Variants in ZNF670 observed in about 807,000 individuals in gnomAD.
ZNF670 encodes zinc finger protein 670.
Under a neutral mutation model 10.9 loss-of-function variants are expected in ZNF670, and 7 were observed. The ratio of observed to expected loss-of-function variants is 0.64; its 90% CI spans 0.36 to 1.20. ZNF670 has a LOEUF of 1.20. ZNF670 is among the 50% of genes most tolerant of loss of function. The pLI is 0.02. For missense variants in ZNF670, 446 were observed against 458.6 expected (o/e 0.97, Z 0.25); for synonymous variants, 136 against 152.7 (o/e 0.89, Z 0.81).
At chr1:247,075,732 ATATAAG>A (rs1428559719) in intron 1 of ZNF670, among the ~76,000 whole-genome samples, 1 of 152,228 alleles carries the variant, frequency 6.6e-6, no homozygotes, top group Non-Finnish European at 1.5e-5. Context: ...CCATGTGGAA[ATATAAG>A]TCCTTTAAAT....
intron 1 of ZNF670, among the ~76,000 whole-genome samples, chr1:247,058,617 T>C (rs1018137463): frequency 1.3e-5 from 2 of 149,334 alleles, no homozygotes; most frequent in African/African-American, 2.5e-5. Context: ...GATAAACCTA[T>C]AGCCAGACCA....
intron 1 of ZNF670, among the ~76,000 whole-genome samples, chr1:247,058,479 G>A (rs1439003415): frequency 6.6e-6 from 1 of 152,004 alleles, no homozygotes; most frequent in African/African-American, 2.4e-5. Context: ...AAAAAGCCAG[G>A]AAGATAAACC....
At chr1:247,045,005 T>C (rs1670405848) in intron 1 of ZNF670, among the ~76,000 whole-genome samples, 1 of 149,664 alleles carries the variant, frequency 6.7e-6, no homozygotes, top group South Asian at 2.1e-4. Context: ...GGCAAATAAA[T>C]TTAACTAAAC....
At position 247,078,582 on chromosome 1, in the gene ZNF670, C is replaced by T; in HGVS notation, c.3+12G>A. On this transcript the variant is annotated intron_variant, in intron 1 of 3. Coordinates refer to ENST00000366503, the MANE Select transcript of ZNF670 (RefSeq NM_033213.5). ...TTTTCCCCTTCCCGAGACACCTGGC[C>T]GGCACACTCACCATTTCCCAGTCTC... The T allele has an allele frequency of 6.2e-7, 1 of 1,613,912 alleles. No individual in the cohort carries two copies. The highest frequency in any genetic ancestry group is 8.5e-7 in the Non-Finnish European group (1 of 1,179,890).
chr1:247,077,168 TG>T (rs571911045), intron 1 of ZNF670, among the ~76,000 whole-genome samples: 178 of 152,266 alleles, frequency 1.2e-3, no homozygotes, highest in African/African-American at 4.0e-3. Flanking sequence ...TGATGAAAAC[TG>T]GGGTTGGAGG....
chr1:247,072,825 T>C (rs1449829472), intron 1 of ZNF670, among the ~76,000 whole-genome samples: 4,245 of 92,844 alleles, frequency 0.046, 590 homozygotes, highest in African/African-American at 0.2. Flanking sequence ...TATATATATA[T>C]ATATATATAT....
intron 1 of ZNF670, among the ~76,000 whole-genome samples, chr1:247,061,608 T>C (rs1670861500): frequency 6.6e-6 from 1 of 152,208 alleles, no homozygotes; most frequent in Non-Finnish European, 1.5e-5. Context: ...CATATGTCCT[T>C]AGAAAGGAGA....
Position 247,037,598 on chromosome 1 carries a change from C to T in ZNF670, c.1021G>A (p.Glu341Lys). The T allele has an allele frequency of 6.2e-7, 1 of 1,613,864 alleles. No homozygotes were observed. Among genetic ancestry groups the T allele is most frequent in the South Asian group, 1.1e-5 (1 of 91,068 alleles). The change falls in exon 4 of 4, where the codon GAA (glutamate) becomes AAA (lysine). Residue 341 changes from glutamate to lysine, a missense_variant. Physicochemically the swap from Glu to Lys is moderately conservative, Grantham distance 56. Transcript: ENST00000366503. ...HTGVKPYGCKECGKSFTSSSA... is the reference protein window; with the variant it reads ...HTGVKPYGCKKCGKSFTSSSA... ...GAAGAAGTAAACGACTTACCACATT[C>T]CTTACATCCATAAGGTTTCACTCCA...
intron 1 of ZNF670, among the ~76,000 whole-genome samples, chr1:247,059,279 A>C (rs1293058868): frequency 6.6e-6 from 1 of 150,854 alleles, no homozygotes; most frequent in Non-Finnish European, 1.5e-5. Flanking sequence ...GTCTCTACTA[A>C]AAATACAAAA....
At chr1:247,057,864 G>A (rs910837593) in intron 1 of ZNF670, among the ~76,000 whole-genome samples, 3 of 152,158 alleles carry the variant, frequency 2.0e-5, no homozygotes, top group Admixed American at 6.6e-5. Flanking sequence ...TGGAGGGGAT[G>A]TGGGAATGTT....
At chr1:247,051,337 T>C (rs1045518534) in intron 1 of ZNF670, among the ~76,000 whole-genome samples, 6 of 152,180 alleles carry the variant, frequency 3.9e-5, no homozygotes, top group Non-Finnish European at 8.8e-5. Context: ...CAGTATTTGC[T>C]TGTCTGAAAA....
At chr1:247,072,474 T>C (rs1348149969) in intron 1 of ZNF670, among the ~76,000 whole-genome samples, 3 of 151,258 alleles carry the variant, frequency 2.0e-5, no homozygotes, top group Non-Finnish European at 4.4e-5. Flanking sequence ...CAAACAAAAA[T>C]TAATATATAC....
At chr1:247,073,042 G>A (rs1348758753) in intron 1 of ZNF670, among the ~76,000 whole-genome samples, 1 of 151,808 alleles carries the variant, frequency 6.6e-6, no homozygotes, top group Admixed American at 6.6e-5. Context: ...CTGAGCAGAA[G>A]TTAGAAAAGA....
chr1:247,076,358 G>T (rs188107608), intron 1 of ZNF670, among the ~76,000 whole-genome samples: 1 of 151,598 alleles, frequency 6.6e-6, no homozygotes, highest in Non-Finnish European at 1.5e-5. Context: ...CTAGGTTCAC[G>T]CCATTCTCCT....
chr1:247,051,232 C>T (rs375185236), intron 1 of ZNF670, among the ~76,000 whole-genome samples: 11 of 148,762 alleles, frequency 7.4e-5, no homozygotes, highest in East Asian at 2.0e-4. Flanking sequence ...CCAGCCTGGG[C>T]GACAGAGCGA....
At position 247,056,650 on chromosome 1, in the gene ZNF670, C is replaced by G. The variant is rs142375624; in HGVS notation, c.4-17113G>C. On this transcript the variant is annotated intron_variant, in intron 1 of 3. Transcript: ENST00000366503. ...AGCACGGTGGTTCATGCTTGTAATC[C>G]CAGCACTTTGGGAGGCTGAGGCAGG... Among the ~76,000 whole-genome samples, 498 of 152,130 alleles carry G rather than the reference C, an allele frequency of 3.3e-3. 3 individuals carry two copies. The highest frequency in any genetic ancestry group is 5.5e-3 in the Non-Finnish European group (372 of 68,000).
intron 1 of ZNF670, among the ~76,000 whole-genome samples, chr1:247,066,993 T>C (rs1371692781): frequency 6.6e-6 from 1 of 152,216 alleles, no homozygotes; most frequent in African/African-American, 2.4e-5. Context: ...AAATCTTACA[T>C]GTATTGATAG....
chr1:247,068,319 C>CAAAAAAAAAAAAAAGAAAAA (rs1671038309), intron 1 of ZNF670, among the ~76,000 whole-genome samples: 1 of 55,278 alleles, frequency 1.8e-5, no homozygotes, highest in African/African-American at 1.0e-4. Context: ...ATTCTGTCTC[C>CAAAAAAAAAAAAAAGAAAAA]AAAAAAAAAA....
chr1:247,047,641 C>T (rs566468248), intron 1 of ZNF670, among the ~76,000 whole-genome samples: 9 of 152,334 alleles, frequency 5.9e-5, no homozygotes, highest in African/African-American at 1.9e-4. Flanking sequence ...TAGGCCACTG[C>T]AGCAAACTTC....
Sources: gnomAD v4.1 joint callset for allele counts (sites outside exome capture counted in the v4.1 genomes callset) on GRCh38, gnomAD v4.1.1 for gene constraint, MANE v1.5 for transcripts, NCBI Gene and HGNC (gene_info 2026-07-23, HGNC 2026-07-21) for gene names.